Variants in TGFBR2 observed in about 807,000 individuals in gnomAD.
TGFBR2 encodes the protein transforming growth factor beta receptor 2, also known as TGF-beta receptor type-2.
Under a neutral mutation model 49.0 loss-of-function variants are expected in TGFBR2, and 18 were observed. The observed-to-expected ratio is 0.37, with a 90% CI of 0.25 to 0.54. The LOEUF (loss-of-function observed/expected upper bound fraction) is 0.54, where lower values mean the gene tolerates loss of function less well. TGFBR2 is among the 20% of genes least tolerant of loss of function. The pLI is 0.85. For missense variants in TGFBR2, 525 were observed against 722.6 expected (o/e 0.73, Z 3.13); for synonymous variants, 282 against 275.9 (o/e 1.02, Z -0.22).
At chr3:30,623,454 C>T (rs903948556) in intron 1 of TGFBR2, among the ~76,000 whole-genome samples, 1 of 152,188 alleles carries the variant, frequency 6.6e-6, no homozygotes, top group Non-Finnish European at 1.5e-5. Flanking sequence ...GTTCTTGCCT[C>T]GAACATTAAA....
intron 5 of TGFBR2, among the ~76,000 whole-genome samples, chr3:30,678,546 T>TCA (rs370795703): frequency 0.013 from 1,333 of 100,768 alleles, 100 homozygotes; most frequent in African/African-American, 0.033. Context: ...AGACTGCGTC[T>TCA]AAAAAAAAAA....
chr3:30,653,558 A>G (rs183501166), intron 3 of TGFBR2, among the ~76,000 whole-genome samples: 1 of 152,162 alleles, frequency 6.6e-6, no homozygotes, highest in African/African-American at 2.4e-5. Flanking sequence ...GGCCAGAATG[A>G]AAACTCTTAA....
chr3:30,657,526 T>G (rs1243231995), intron 3 of TGFBR2, among the ~76,000 whole-genome samples: 1 of 152,212 alleles, frequency 6.6e-6, no homozygotes, highest in Non-Finnish European at 1.5e-5. Flanking sequence ...CTTGTTTACC[T>G]CTCTGAAAAA....
intron 1 of TGFBR2, among the ~76,000 whole-genome samples, chr3:30,633,549 A>G (rs1184944444): frequency 1.3e-5 from 2 of 152,166 alleles, no homozygotes; most frequent in African/African-American, 2.4e-5. Flanking sequence ...AATTGTAAAC[A>G]TTCAGGTGGC....
At chr3:30,661,796 A>G (rs1017979377) in intron 3 of TGFBR2, among the ~76,000 whole-genome samples, 1 of 152,246 alleles carries the variant, frequency 6.6e-6, no homozygotes, top group South Asian at 2.1e-4. Context: ...TCCAAGTATT[A>G]TATCTGTGTC....
rs998152788 is a variant in TGFBR2 at position 30,691,925 on chromosome 3, A to G, written c.*326A>G. 1 of 226,784 alleles carries G rather than the reference A, an allele frequency of 4.4e-6. No individual in the cohort carries two copies. 14.0% of individuals were successfully genotyped at this position (226,784 alleles called of 1,614,324 possible). A position where few individuals can be genotyped will look rare whatever the true frequency, so the allele number is the denominator to read the frequency against. On this transcript the variant is annotated 3_prime_UTR_variant, in exon 7 of 7. Coordinates refer to ENST00000295754, the MANE Select transcript of TGFBR2 (RefSeq NM_003242.6). ...AGCTATGTTTTATATATATATATAT[A>G]TATCTATATATGTCTATAGCTCTAT...
At chr3:30,658,297 C>A (rs987754522) in intron 3 of TGFBR2, among the ~76,000 whole-genome samples, 17 of 152,202 alleles carry the variant, frequency 1.1e-4, no homozygotes, top group African/African-American at 4.1e-4. Context: ...TAATATCACT[C>A]TTGCTTACCA....
At chr3:30,685,219 G>A (rs1410699457) in intron 5 of TGFBR2, among the ~76,000 whole-genome samples, 1 of 152,240 alleles carries the variant, frequency 6.6e-6, no homozygotes, top group African/African-American at 2.4e-5. Context: ...TTTCTAGAAA[G>A]GTAAAGGAGT....
chr3:30,611,680 G>C (rs973610264), intron 1 of TGFBR2, among the ~76,000 whole-genome samples: 1 of 151,272 alleles, frequency 6.6e-6, no homozygotes, highest in African/African-American at 2.4e-5. Flanking sequence ...TTTTTCATTG[G>C]GTTTTATGTT....
intron 3 of TGFBR2, among the ~76,000 whole-genome samples, chr3:30,657,521 T>C (rs1476647737): frequency 1.3e-5 from 2 of 152,200 alleles, no homozygotes; most frequent in African/African-American, 4.8e-5. Flanking sequence ...AACTACTTGT[T>C]TACCTCTCTG....
At chr3:30,624,742 A>G (rs1440484817) in intron 1 of TGFBR2, among the ~76,000 whole-genome samples, 2 of 152,238 alleles carry the variant, frequency 1.3e-5, no homozygotes, top group Non-Finnish European at 2.9e-5. Flanking sequence ...TTGCAACATA[A>G]AAGAAAAATT....
chr3:30,617,097 A>C (rs939015663), intron 1 of TGFBR2, among the ~76,000 whole-genome samples: 1 of 151,784 alleles, frequency 6.6e-6, no homozygotes, highest in African/African-American at 2.4e-5. Context: ...AAAAAAAAGG[A>C]AACTTGTCTA....
At chr3:30,634,435 TA>T (rs1698490678) in intron 1 of TGFBR2, among the ~76,000 whole-genome samples, 1 of 152,208 alleles carries the variant, frequency 6.6e-6, no homozygotes, top group Non-Finnish European at 1.5e-5. Context: ...CGTGCATTTT[TA>T]AAAATTCCCT....
rs569635708 is a variant in TGFBR2 at position 30,691,553 on chromosome 3, C to T, written c.1658C>T (p.Ser553Leu). 26 of 1,614,094 alleles carry T rather than the reference C, an allele frequency of 1.6e-5. No homozygotes were observed. Among genetic ancestry groups the T allele is most frequent in the African/African-American group, 6.7e-5 (5 of 75,018 alleles). Reference protein sequence around the residue: ...HLDRLSGRSCSEEKIPEDGSL... With the variant: ...HLDRLSGRSCLEEKIPEDGSL... ...GACAGGCTCTCGGGGAGGAGCTGCT[C>T]GGAGGAGAAGATTCCTGAAGACGGC... is the stretch of plus-strand genomic sequence containing the variant. Residue 553 changes from serine (S) to leucine (L), a missense_variant, in exon 7 of 7, where the codon TCG (serine) becomes TTG (leucine). Coordinates refer to ENST00000295754, the MANE Select transcript of TGFBR2 (RefSeq NM_003242.6).
chr3:30,685,967 T>TA (rs2125449512), intron 5 of TGFBR2, among the ~76,000 whole-genome samples: 1 of 152,328 alleles, frequency 6.6e-6, no homozygotes, highest in Non-Finnish European at 1.5e-5. Context: ...TGGTAGTACA[T>TA]ATATCTCAAG....
intron 5 of TGFBR2, among the ~76,000 whole-genome samples, chr3:30,675,710 T>G (rs540284419): frequency 1.1e-4 from 17 of 152,298 alleles, no homozygotes; most frequent in African/African-American, 4.1e-4. Context: ...ACTTTTTGTT[T>G]TGTGATAATT....
At chr3:30,658,274 A>G (rs995928829) in intron 3 of TGFBR2, among the ~76,000 whole-genome samples, 2 of 152,206 alleles carry the variant, frequency 1.3e-5, no homozygotes, top group Admixed American at 1.3e-4. Context: ...ATGTACCTAC[A>G]CATTTAGCAT....
intron 1 of TGFBR2, among the ~76,000 whole-genome samples, chr3:30,623,852 A>C (rs542481986): frequency 2.0e-5 from 3 of 152,344 alleles, no homozygotes; most frequent in Admixed American, 6.5e-5. Flanking sequence ...ATAAACATAC[A>C]GAGAAGAGGT....
At chr3:30,683,955 G>C (rs1699577673) in intron 5 of TGFBR2, among the ~76,000 whole-genome samples, 2 of 152,168 alleles carry the variant, frequency 1.3e-5, no homozygotes, top group African/African-American at 2.4e-5. Flanking sequence ...GCAGGGTTCA[G>C]GCTATCTCTG....
Sources: allele counts gnomAD v4.1 joint callset (sites outside exome capture counted in the v4.1 genomes callset), GRCh38; gene constraint gnomAD v4.1.1; transcripts MANE v1.5; gene names NCBI Gene and HGNC (gene_info 2026-07-23, HGNC 2026-07-21).